Variants in SYT9 observed in about 807,000 individuals in gnomAD.
SYT9 encodes synaptotagmin 9.
SYT9 carries 22 observed loss-of-function variants against 48.4 expected under a neutral mutation model. That is an observed-to-expected ratio of 0.45 (90% CI 0.32 to 0.65). The LOEUF is 0.65. SYT9 is among the 30% of genes least tolerant of loss of function. SYT9 has a pLI of 0.03. For missense variants in SYT9, 577 were observed against 622.0 expected, an observed-to-expected ratio of 0.93 and a Z score of 0.77; for synonymous variants, 265 against 245.0, an observed-to-expected ratio of 1.08 and a Z score of -0.76.
chr11:7,416,657 T>C (rs1356981129), intron 4 of SYT9, among the ~76,000 whole-genome samples: 2 of 152,212 alleles, frequency 1.3e-5, no homozygotes, highest in Non-Finnish European at 2.9e-5. Flanking sequence ...AGAGATGATT[T>C]AAAGTATACG....
intron 6 of SYT9, among the ~76,000 whole-genome samples, chr11:7,428,719 A>G (rs914526286): frequency 5.9e-5 from 9 of 152,316 alleles, no homozygotes; most frequent in Non-Finnish European, 1.3e-4. Flanking sequence ...GCAGAGTCTC[A>G]TTTGTTGAGA....
intron 6 of SYT9, among the ~76,000 whole-genome samples, chr11:7,442,300 C>G (rs12284902): frequency 0.094 from 14,259 of 152,228 alleles, 815 homozygotes; most frequent in Non-Finnish European, 0.13. Flanking sequence ...AACACGTCTC[C>G]ACACACATAC....
At chr11:7,362,919 CTT>C (rs927883405) in intron 3 of SYT9, among the ~76,000 whole-genome samples, 1 of 62,804 alleles carries the variant, frequency 1.6e-5, no homozygotes, top group African/African-American at 6.0e-5. Context: ...ATTTTTGTCT[CTT>C]TTATCTTTCT....
chr11:7,428,429 C>T (rs1847507315), intron 6 of SYT9, among the ~76,000 whole-genome samples: 1 of 152,118 alleles, frequency 6.6e-6, no homozygotes, highest in South Asian at 2.1e-4. Context: ...CAGTTCTTTC[C>T]CCGCAGATGA....
chr11:7,305,727 T>C (rs1282555100), intron 2 of SYT9, among the ~76,000 whole-genome samples: 4 of 152,174 alleles, frequency 2.6e-5, no homozygotes, highest in African/African-American at 9.7e-5. Context: ...GCCGACACCG[T>C]CTTACTGCTT....
chr11:7,413,341 C>T (rs755139001), intron 3 of SYT9, among the ~76,000 whole-genome samples: 1 of 152,192 alleles, frequency 6.6e-6, no homozygotes, highest in Non-Finnish European at 1.5e-5. Flanking sequence ...TTTAGGGGCT[C>T]GGCTTTCAGA....
intron 3 of SYT9, among the ~76,000 whole-genome samples, chr11:7,329,602 A>C (rs190165827): frequency 6.6e-6 from 1 of 152,338 alleles, no homozygotes; most frequent in Admixed American, 6.5e-5. Context: ...GCAGTCCTAA[A>C]AGTCATCCCA....
At chr11:7,355,773 C>T (rs1320968048) in intron 3 of SYT9, among the ~76,000 whole-genome samples, 1 of 152,218 alleles carries the variant, frequency 6.6e-6, no homozygotes, top group African/African-American at 2.4e-5. Flanking sequence ...TTAAGTGGAA[C>T]TTGTTCAATG....
chr11:7,463,159 A>G (rs60551508), intron 6 of SYT9, among the ~76,000 whole-genome samples: 1,876 of 152,282 alleles, frequency 0.012, 38 homozygotes, highest in African/African-American at 0.042. Context: ...CAGGTCTCAT[A>G]ACAAGGACAC....
rs1158329303 is a variant in SYT9 at position 7,420,608 on chromosome 11, C to A, written c.1440C>A (p.Pro480=). 1 of 1,614,184 alleles carries A rather than the reference C, an allele frequency of 6.2e-7. No homozygotes were observed. Among genetic ancestry groups the A allele is most frequent in the Non-Finnish European group, 8.5e-7 (1 of 1,180,018 alleles). The change falls in exon 6 of 7, where the codon CCC becomes CCA. Residue 480 remains proline, a synonymous_variant. Transcript: ENST00000318881. ...AAATGTTGTCATATCCTCGGAAGCCCATTGCACACTGGCATTCCCTGGTGG... is the reference window on the plus strand; with the variant it reads ...AAATGTTGTCATATCCTCGGAAGCCAATTGCACACTGGCATTCCCTGGTGG... The part of the protein sequence containing the change: ...WSEMLSYPRK[P]IAHWHSLVEK...
At chr11:7,310,260 A>C (rs951089317) in intron 2 of SYT9, among the ~76,000 whole-genome samples, 1 of 151,984 alleles carries the variant, frequency 6.6e-6, no homozygotes, top group African/African-American at 2.4e-5. Context: ...CAGCCTCCCA[A>C]GTAGCTGGGA....
intron 3 of SYT9, among the ~76,000 whole-genome samples, chr11:7,382,240 C>T (rs918719914): frequency 4.6e-5 from 7 of 152,118 alleles, no homozygotes; most frequent in Non-Finnish European, 7.3e-5. Flanking sequence ...TCTACAGTAG[C>T]GCATGTGAGA....
intron 3 of SYT9, among the ~76,000 whole-genome samples, chr11:7,404,404 G>A (rs1385849642): frequency 2.0e-5 from 3 of 151,598 alleles, no homozygotes; most frequent in Non-Finnish European, 4.4e-5. Flanking sequence ...TGCCTTTTTT[G>A]GATTAACTGA....
intron 6 of SYT9, among the ~76,000 whole-genome samples, chr11:7,451,351 T>TG (rs1382368262): frequency 3.3e-5 from 5 of 152,274 alleles, no homozygotes; most frequent in Non-Finnish European, 7.3e-5. Context: ...TGTTGCATTC[T>TG]GTTAAGACTA....
In SYT9 at chr11:7,267,927, A is replaced by G. The variant is rs1316193493; in HGVS notation, c.145+15596A>G. Among the ~76,000 whole-genome samples the G allele has an allele frequency of 2.0e-5, 3 of 152,066 alleles. No individual in the cohort carries two copies. In the East Asian group the frequency reaches 5.8e-4, roughly 29 times the overall value. The stretch of plus-strand genomic sequence containing the variant: ...GATTTAATAACAGATACAGAAGACA[A>G]TAGAAAGCACAAGAAAATGGCATAC... On this transcript the variant is annotated intron_variant, in intron 1 of 6. Transcript: ENST00000318881.
At chr11:7,433,509 G>C (rs1330879088) in intron 6 of SYT9, among the ~76,000 whole-genome samples, 1 of 152,094 alleles carries the variant, frequency 6.6e-6, no homozygotes, top group Non-Finnish European at 1.5e-5. Flanking sequence ...CTTTTTGCTG[G>C]GGCTTTATCT....
chr11:7,420,907 C>T (rs11041374), intron 6 of SYT9, among the ~76,000 whole-genome samples: 26,077 of 152,014 alleles, frequency 0.17, 2,362 homozygotes, highest in East Asian at 0.29. Context: ...TGTGTTAAGG[C>T]TTTGGGTTGG....
chr11:7,263,877 G>A (rs1462010979), intron 1 of SYT9, among the ~76,000 whole-genome samples: 1 of 151,608 alleles, frequency 6.6e-6, no homozygotes, highest in Non-Finnish European at 1.5e-5. Context: ...GAATTATTTT[G>A]TGAAGGGAGA....
chr11:7,364,715 A>G (rs985958021), intron 3 of SYT9, among the ~76,000 whole-genome samples: 1 of 152,192 alleles, frequency 6.6e-6, no homozygotes, highest in African/African-American at 2.4e-5. Flanking sequence ...GATATTTAAG[A>G]TCGTTTTGTG....
Sources: allele counts gnomAD v4.1 joint callset (sites outside exome capture counted in the v4.1 genomes callset), GRCh38; gene constraint gnomAD v4.1.1; transcripts MANE v1.5; gene names NCBI Gene and HGNC (gene_info 2026-07-23, HGNC 2026-07-21).